Variants in TCAIM observed in about 807,000 individuals in gnomAD.
The protein encoded by TCAIM is T cell activation inhibitor, mitochondrial.
TCAIM carries 36 observed loss-of-function variants against 58.6 expected under a neutral mutation model. The observed-to-expected ratio is 0.61, with a 90% CI of 0.47 to 0.81. TCAIM has a LOEUF of 0.81. Among genes scored for constraint, TCAIM ranks in the 30% least tolerant of loss-of-function variants. The probability of loss-of-function intolerance (pLI) is 0.00; values close to 1 mark genes in which losing one functional copy is unlikely to be tolerated. For synonymous variants in TCAIM, 172 were observed against 193.6 expected (o/e 0.89, Z 0.93); for missense variants, 466 against 579.6 (o/e 0.80, Z 2.01).
In TCAIM at chr3:44,407,687, G is replaced by C. The variant is rs1472253919; in HGVS notation, c.*5G>C. The C allele has an allele frequency of 1.3e-6, 2 of 1,566,938 alleles. No homozygotes were observed. Among genetic ancestry groups the C allele is most frequent in the East Asian group, 4.5e-5 (2 of 44,166 alleles). ...AATGGAGAAGCCATTAAGTAACACA[G>C]AAATCTGTTTTATTTTTTTAAGAGA... On this transcript the variant is annotated 3_prime_UTR_variant, in exon 11 of 11. Transcript: ENST00000342649.
chr3:44,377,652 A>G (rs1281437788), intron 5 of TCAIM, among the ~76,000 whole-genome samples: 1 of 152,218 alleles, frequency 6.6e-6, no homozygotes, highest in African/African-American at 2.4e-5. Flanking sequence ...AGATTTCAAA[A>G]GATAAATATA....
At chr3:44,352,204 G>A (rs1398738265) in intron 1 of TCAIM, among the ~76,000 whole-genome samples, 2 of 151,794 alleles carry the variant, frequency 1.3e-5, no homozygotes, top group African/African-American at 2.4e-5. Context: ...CTCTCCACAA[G>A]AATGGAATAA....
rs1033775900 is a variant in TCAIM, at chr3:44,338,803, C to G, written c.-76C>G. The G allele has an allele frequency of 6.6e-6, 1 of 152,288 alleles. No homozygotes were observed. Among genetic ancestry groups the G allele is most frequent in the South Asian group, 2.1e-4 (1 of 4,832 alleles). 9.4% of individuals were successfully genotyped at this position (152,288 alleles called of 1,614,324 possible). The stretch of plus-strand genomic sequence containing the variant: ...TGGGTGGGAGGTGGAACTAGTCGGA[C>G]AAAGCCCTCGCGTCGGACCCTTGCC... On this transcript the variant is annotated 5_prime_UTR_variant, in exon 1 of 11. Coordinates refer to ENST00000342649, the MANE Select transcript of TCAIM (RefSeq NM_173826.4).
chr3:44,379,187 C>CAA (rs757481300), intron 5 of TCAIM, among the ~76,000 whole-genome samples: 2 of 122,318 alleles, frequency 1.6e-5, no homozygotes, highest in African/African-American at 6.1e-5. Flanking sequence ...GGCCCTGTCT[C>CAA]AAAAAAAAAA....
intron 8 of TCAIM, 32 bp downstream of exon 8, chr3:44,396,866 T>C: frequency 6.3e-7 from 1 of 1,587,692 alleles, no homozygotes; most frequent in East Asian, 2.2e-5. Context: ...AAAAACTCCT[T>C]GTCATTCATA....
At chr3:44,351,878 A>C (rs994510677) in intron 1 of TCAIM, among the ~76,000 whole-genome samples, 44 of 152,266 alleles carry the variant, frequency 2.9e-4, no homozygotes, top group African/African-American at 9.4e-4. Context: ...CTGGAAATAA[A>C]TTGAAGTATC....
intron 4 of TCAIM, among the ~76,000 whole-genome samples, chr3:44,365,113 T>A (rs1701353111): frequency 9.0e-6 from 1 of 111,648 alleles, no homozygotes; most frequent in African/African-American, 2.8e-5. Flanking sequence ...GAGGATGAGC[T>A]ATTTTTTCTT....
chr3:44,381,794 A>G (rs1701660164), intron 5 of TCAIM, among the ~76,000 whole-genome samples: 1 of 152,222 alleles, frequency 6.6e-6, no homozygotes, highest in African/African-American at 2.4e-5. Context: ...TTAGCAGGAT[A>G]CAAACTCTAT....
chr3:44,347,785 G>A (rs1701000034), intron 1 of TCAIM, among the ~76,000 whole-genome samples: 1 of 152,112 alleles, frequency 6.6e-6, no homozygotes, highest in Admixed American at 6.5e-5. Flanking sequence ...CTTAAGCAGG[G>A]TAAGAGTGAT....
chr3:44,364,952 ATTC>A (rs1201438113), intron 4 of TCAIM, among the ~76,000 whole-genome samples: 1 of 152,158 alleles, frequency 6.6e-6, no homozygotes, highest in Non-Finnish European at 1.5e-5. Flanking sequence ...AAGCCACAAA[ATTC>A]TTCTTGGAAT....
chr3:44,378,334 C>T (rs1374591582), intron 5 of TCAIM, among the ~76,000 whole-genome samples: 2 of 151,814 alleles, frequency 1.3e-5, no homozygotes, highest in East Asian at 1.9e-4. Flanking sequence ...GAGCTGAGAT[C>T]GTGCCACTGC....
rs1221441151 is a variant in TCAIM at position 44,407,890 on chromosome 3, A to G, written c.*208A>G. 1.3e-5 allele frequency: 6 copies of G among 458,664 alleles called. No homozygotes were observed. The highest frequency in any genetic ancestry group is 2.2e-5 in the Non-Finnish European group (6 of 273,962). 28.4% of individuals were successfully genotyped at this position (458,664 alleles called of 1,614,324 possible). The stretch of plus-strand genomic sequence containing the variant: ...GTGGCTCATGCCTGCGGTCCCAGCT[A>G]CTTAGGGAGGCTAAGATAGGAGGAT... On this transcript the variant is annotated 3_prime_UTR_variant, in exon 11 of 11. Transcript: ENST00000342649.
At chr3:44,366,463 GTTT>G (rs11310204) in intron 4 of TCAIM, among the ~76,000 whole-genome samples, 1 of 83,036 alleles carries the variant, frequency 1.2e-5, no homozygotes. Flanking sequence ...AATTTTTGTT[GTTT>G]TTTTTTTTTT....
intron 1 of TCAIM, among the ~76,000 whole-genome samples, chr3:44,344,342 A>G (rs192372281): frequency 4.9e-4 from 75 of 152,310 alleles, no homozygotes; most frequent in Non-Finnish European, 6.3e-4. Flanking sequence ...ACATAATTCC[A>G]TCTTACACAC....
chr3:44,342,529 T>A (rs1700874715), intron 1 of TCAIM, among the ~76,000 whole-genome samples: 1 of 152,180 alleles, frequency 6.6e-6, no homozygotes, highest in Non-Finnish European at 1.5e-5. Context: ...TATTTATCAA[T>A]CAAATTTTTT....
rs1375356516 is a variant in TCAIM at position 44,361,228 on chromosome 3, A to G, written c.166-137A>G. ...GTAGATCCAATTTTATCTTTTACCA[A>G]AGAGCTATGAAATCCCAACATTTTT... On this transcript the variant is annotated intron_variant, in intron 3 of 10. Coordinates refer to ENST00000342649, the MANE Select transcript of TCAIM (RefSeq NM_173826.4). The G allele has an allele frequency of 6.1e-5, 43 of 700,548 alleles. No homozygotes were observed. The East Asian group carries it at 1.3e-3, about 22-fold the overall frequency. The allele number at this position is 700,548 out of a possible 1,614,324, so 43.4% of individuals were successfully genotyped here. A position where few individuals can be genotyped will look rare whatever the true frequency, so the allele number is the denominator to read the frequency against.
intron 5 of TCAIM, among the ~76,000 whole-genome samples, chr3:44,380,037 A>G (rs1316332933): frequency 6.6e-6 from 1 of 152,118 alleles, no homozygotes; most frequent in African/African-American, 2.4e-5. Flanking sequence ...CCAGACCTAA[A>G]ATAAAAAAAA....
At chr3:44,342,706 A>G (rs1343035809) in intron 1 of TCAIM, among the ~76,000 whole-genome samples, 1 of 150,306 alleles carries the variant, frequency 6.7e-6, no homozygotes, top group Admixed American at 6.6e-5. Flanking sequence ...TTTACATATC[A>G]CTAAAGCCTT....
chr3:44,366,794 G>C (rs1294190872), intron 4 of TCAIM, among the ~76,000 whole-genome samples: 3 of 152,098 alleles, frequency 2.0e-5, no homozygotes, highest in African/African-American at 7.2e-5. Flanking sequence ...TAGAGACGGG[G>C]TTTCACCGTC....
Sources: allele counts gnomAD v4.1 joint callset (sites outside exome capture counted in the v4.1 genomes callset), GRCh38; gene constraint gnomAD v4.1.1; transcripts MANE v1.5; gene names NCBI Gene and HGNC (gene_info 2026-07-23, HGNC 2026-07-21).